The following DPP10 variants were observed in gnomAD, a reference collection of about 807,000 sequenced individuals.
The protein encoded by DPP10 is inactive dipeptidyl peptidase 10.
In DPP10, 33 loss-of-function variants were observed where a neutral mutation model predicts 120.9. The observed-to-expected ratio is 0.27, with a 90% CI of 0.21 to 0.37. The LOEUF is 0.37. DPP10 is among the 10% of genes least tolerant of loss of function. The pLI is 1.00. For synonymous variants in DPP10, 337 were observed against 326.1 expected (o/e 1.03, Z -0.36); for missense variants, 816 against 942.8 (o/e 0.87, Z 1.76).
chr2:114,655,752 A>G (rs11903598), intron 1 of DPP10, among the ~76,000 whole-genome samples: 1,968 of 152,280 alleles, frequency 0.013, 45 homozygotes, highest in African/African-American at 0.045. Flanking sequence ...ATCCGAATGT[A>G]AGGACCTCCA....
At chr2:115,238,964 G>A (rs1407647141) in intron 1 of DPP10, among the ~76,000 whole-genome samples, 1 of 152,140 alleles carries the variant, frequency 6.6e-6, no homozygotes, top group African/African-American at 2.4e-5. Context: ...CTTGGAGTCC[G>A]ATTTTCAAGG....
intron 2 of DPP10, among the ~76,000 whole-genome samples, chr2:115,338,894 G>T (rs963414218): frequency 6.6e-6 from 1 of 152,114 alleles, no homozygotes; most frequent in Non-Finnish European, 1.5e-5. Flanking sequence ...AGAAATAGGT[G>T]AAACATTGTT....
chr2:115,711,950 C>G (rs1575582339), intron 7 of DPP10, among the ~76,000 whole-genome samples: 1 of 90,130 alleles, frequency 1.1e-5, no homozygotes, highest in East Asian at 3.4e-4. Flanking sequence ...GAATCATTGT[C>G]TAATGCATTT....
At chr2:115,289,863 C>T (rs984870760) in intron 1 of DPP10, among the ~76,000 whole-genome samples, 3 of 152,084 alleles carry the variant, frequency 2.0e-5, no homozygotes, top group Admixed American at 1.3e-4. Context: ...GGATTAAAGA[C>T]GTAAACCTAA....
chr2:114,664,626 C>CAA (rs374561367), intron 1 of DPP10, among the ~76,000 whole-genome samples: 31 of 81,328 alleles, frequency 3.8e-4, no homozygotes, highest in South Asian at 1.6e-3. Context: ...GACTCCGTCT[C>CAA]AAAAAAAAAA....
chr2:115,604,730 T>C (rs915072481), intron 5 of DPP10, among the ~76,000 whole-genome samples: 6 of 152,050 alleles, frequency 3.9e-5, no homozygotes, highest in Non-Finnish European at 7.4e-5. Flanking sequence ...TTTTCTAACA[T>C]CGACAGTATA....
At chr2:114,716,710 C>G (rs1558665908) in intron 1 of DPP10, among the ~76,000 whole-genome samples, 1 of 152,120 alleles carries the variant, frequency 6.6e-6, no homozygotes, top group Non-Finnish European at 1.5e-5. Flanking sequence ...TGTAAGATCT[C>G]TAAAAACCAT....
chr2:114,740,074 A>C (rs1376177470), intron 1 of DPP10, among the ~76,000 whole-genome samples: 2 of 151,776 alleles, frequency 1.3e-5, no homozygotes, highest in African/African-American at 4.8e-5. Context: ...TTATTGCAGC[A>C]CTATTCACAA....
At chr2:115,366,014 T>C (rs951163434) in intron 3 of DPP10, among the ~76,000 whole-genome samples, 4 of 152,038 alleles carry the variant, frequency 2.6e-5, no homozygotes, top group African/African-American at 9.7e-5. Context: ...TTTATTTTGT[T>C]ATGCTAAAAT....
chr2:114,531,354 C>T (rs561109963), intron 1 of DPP10, among the ~76,000 whole-genome samples: 2 of 151,730 alleles, frequency 1.3e-5, no homozygotes, highest in South Asian at 4.2e-4. Flanking sequence ...GCTTATGTCA[C>T]GTGTGAATCC....
chr2:115,783,659 G>A, intron 17 of DPP10, among the ~76,000 whole-genome samples: 1 of 152,102 alleles, frequency 6.6e-6, no homozygotes. Context: ...TCCGTCTTCA[G>A]TGTAAACCTT....
At chr2:115,016,562 C>G (rs753228398) in intron 1 of DPP10, among the ~76,000 whole-genome samples, 1 of 151,962 alleles carries the variant, frequency 6.6e-6, no homozygotes, top group Non-Finnish European at 1.5e-5. Context: ...TCAGAGTGAA[C>G]AGGCAACCTA....
intron 1 of DPP10, among the ~76,000 whole-genome samples, chr2:114,680,918 T>C (rs1210056842): frequency 1.3e-5 from 2 of 151,944 alleles, no homozygotes; most frequent in Non-Finnish European, 2.9e-5. Context: ...CCTGATAGAG[T>C]CCTCCATGTA....
At chr2:115,275,041 G>C (rs2059854448) in intron 1 of DPP10, among the ~76,000 whole-genome samples, 1 of 152,290 alleles carries the variant, frequency 6.6e-6, no homozygotes, top group Admixed American at 6.5e-5. Context: ...AGAGAGGAAA[G>C]GTCAATGATT....
At chr2:114,478,681 G>T (rs1049761961) in intron 1 of DPP10, among the ~76,000 whole-genome samples, 3 of 151,402 alleles carry the variant, frequency 2.0e-5, no homozygotes, top group Non-Finnish European at 4.4e-5. Context: ...TAGAAAATCT[G>T]GAGAGATCTA....
At chr2:115,744,860 C>T (rs1431953902) in intron 9 of DPP10, among the ~76,000 whole-genome samples, 1 of 150,314 alleles carries the variant, frequency 6.7e-6, no homozygotes, top group East Asian at 1.9e-4. Context: ...TAATTCAACT[C>T]ACATTTAATT....
At chr2:114,623,426 A>G (rs984676532) in intron 1 of DPP10, among the ~76,000 whole-genome samples, 8 of 152,078 alleles carry the variant, frequency 5.3e-5, no homozygotes, top group African/African-American at 1.9e-4. Context: ...ATAAAATAAA[A>G]CTAGCAAACA....
intron 1 of DPP10, among the ~76,000 whole-genome samples, chr2:114,876,897 A>T (rs1018827191): frequency 1.3e-5 from 2 of 152,084 alleles, no homozygotes; most frequent in Non-Finnish European, 2.9e-5. Flanking sequence ...TATGACCCTA[A>T]AGGTACTAAA....
At chr2:114,559,334 G>C (rs1318832933) in intron 1 of DPP10, among the ~76,000 whole-genome samples, 1 of 152,176 alleles carries the variant, frequency 6.6e-6, no homozygotes, top group Non-Finnish European at 1.5e-5. Flanking sequence ...TGATGCAGTT[G>C]CTCCCTGGAG....
Sources: allele counts gnomAD v4.1 joint callset (sites outside exome capture counted in the v4.1 genomes callset), GRCh38; gene constraint gnomAD v4.1.1; transcripts MANE v1.5; gene names NCBI Gene and HGNC (gene_info 2026-07-23, HGNC 2026-07-21).